The following SS18 variants were observed in gnomAD, a reference collection of about 807,000 sequenced individuals.
SS18 encodes the protein protein SSXT.
SS18 carries 28 observed loss-of-function variants against 72.5 expected under a neutral mutation model. That is an observed-to-expected ratio of 0.39 (90% confidence interval 0.29 to 0.53). The LOEUF (loss-of-function observed/expected upper bound fraction) is 0.53. Among genes scored for constraint, SS18 ranks in the 20% least tolerant of loss-of-function variants. The pLI is 0.76. For synonymous variants in SS18, 172 were observed against 164.2 expected, an observed-to-expected ratio of 1.05 and a Z score of -0.37; for missense variants, 518 against 535.3, an observed-to-expected ratio of 0.97 and a Z score of 0.32.
At chr18:26,091,009 T>A (rs2054719536), upstream of SS18, 1 of 211,316 alleles carries the variant, frequency 4.7e-6, no homozygotes, top group Admixed American at 5.9e-5. Flanking sequence ...CTTGCCTCCC[T>A]CTCCGGCCCT....
chr18:26,047,225 G>A (rs1481124672), intron 5 of SS18, among the ~76,000 whole-genome samples: 1 of 114,904 alleles, frequency 8.7e-6, no homozygotes, highest in Non-Finnish European at 1.7e-5. Context: ...GGTACTTACT[G>A]AATATTAGCT....
At chr18:26,061,337 A>C (rs1225135542) in intron 3 of SS18, among the ~76,000 whole-genome samples, 1 of 152,162 alleles carries the variant, frequency 6.6e-6, no homozygotes, top group African/African-American at 2.4e-5. Context: ...TAAATAAACA[A>C]ACACAGGACA....
chr18:26,032,309 G>A, intron 10 of SS18, 90 bp downstream of exon 10: 6 of 1,457,456 alleles, frequency 4.1e-6, no homozygotes, highest in Non-Finnish European at 5.7e-6. Flanking sequence ...GAAACATGAG[G>A]CTTCAAGTTA....
chr18:26,039,523 A>T, intron 5 of SS18, 67 bp from the exon 6 acceptor site: 1 of 1,424,988 alleles, frequency 7.0e-7, no homozygotes, highest in South Asian at 1.6e-5. Context: ...AAGAGAAATA[A>T]GATAATCTTT....
chr18:26,070,557 G>C lies in SS18; in HGVS notation c.231+7519C>G, dbSNP rs188267778. Among the ~76,000 whole-genome samples, 840 of 152,314 alleles carry C rather than the reference G, an allele frequency of 5.5e-3. 13 individuals are homozygous for C. Among genetic ancestry groups the C allele is most frequent in the African/African-American group, 0.019 (808 of 41,574 alleles). On this transcript the variant is annotated intron_variant, in intron 3 of 10. Transcript: ENST00000415083. Reference sequence around the variant, plus strand: ...AAAAAAGACACAAGGCTGAAACTAAGAAGTAAAATGCCTAAGTGTTAGTGC... The same window carrying C: ...AAAAAAGACACAAGGCTGAAACTAACAAGTAAAATGCCTAAGTGTTAGTGC...
At position 26,090,593 on chromosome 18, in the gene SS18, C is replaced by A; in HGVS notation, c.-24G>T. ...ATGTTGCCGCCGTCACCACTATCGGCAAGTCCCGAGCGCTCCGGGTGAACG... is the reference window on the plus strand; with the variant it reads ...ATGTTGCCGCCGTCACCACTATCGGAAAGTCCCGAGCGCTCCGGGTGAACG... On this transcript the variant is annotated 5_prime_UTR_variant, in exon 1 of 11. Coordinates refer to ENST00000415083, the MANE Select transcript of SS18 (RefSeq NM_001007559.3). The A allele has an allele frequency of 1.9e-6, 3 of 1,563,688 alleles. No individual in the cohort carries two copies. Among genetic ancestry groups the A allele is most frequent in the South Asian group, 1.2e-5 (1 of 84,816 alleles).
chr18:26,089,035 A>G (rs1228001137), intron 1 of SS18, among the ~76,000 whole-genome samples: 1 of 152,216 alleles, frequency 6.6e-6, no homozygotes, highest in Non-Finnish European at 1.5e-5. Flanking sequence ...TCCTCAAACT[A>G]TTGAACTTCA....
At chr18:26,081,555 A>G (rs2054523461) in intron 2 of SS18, among the ~76,000 whole-genome samples, 1 of 152,080 alleles carries the variant, frequency 6.6e-6, no homozygotes, top group Non-Finnish European at 1.5e-5. Context: ...AGTAGTAAAT[A>G]CTCATATTAT....
Position 26,039,360 on chromosome 18 carries a change from A to G in SS18, c.704T>C (p.Met235Thr). 1 of 1,613,950 alleles carries G rather than the reference A, an allele frequency of 6.2e-7. No homozygotes were observed. The highest frequency in any genetic ancestry group is 1.1e-5 in the South Asian group (1 of 91,072). Reference sequence around the variant, plus strand: ...ATGATTGCCTTGGTTAACTTGACCCATCATTCCCATAGGTGGCTGCTGTCC... The same window carrying G: ...ATGATTGCCTTGGTTAACTTGACCCGTCATTCCCATAGGTGGCTGCTGTCC... ...YQGQQPPMGM[M>T]GQVNQGNHMM... Residue 235 changes from methionine (M) to threonine (T), a missense_variant, in exon 6 of 11, where the codon ATG becomes ACG. By Grantham distance (81) the Met-to-Thr change is moderately conservative. Transcript: ENST00000415083.
intron 10 of SS18, among the ~76,000 whole-genome samples, chr18:26,020,073 T>A (rs180818303): frequency 1.3e-5 from 2 of 152,270 alleles, no homozygotes; most frequent in South Asian, 4.1e-4. Flanking sequence ...ATAAACATAA[T>A]AAAAGGTTTA....
At chr18:26,078,604 A>T (rs1300087563) in intron 2 of SS18, among the ~76,000 whole-genome samples, 1 of 152,118 alleles carries the variant, frequency 6.6e-6, no homozygotes, top group African/African-American at 2.4e-5. Flanking sequence ...TGCTTATCTC[A>T]GCTGGGCACA....
chr18:26,088,680 C>T (rs2054659608), intron 1 of SS18, among the ~76,000 whole-genome samples: 1 of 152,098 alleles, frequency 6.6e-6, no homozygotes, highest in Non-Finnish European at 1.5e-5. Context: ...CCATTTTGAG[C>T]AAGTCACTTA....
rs1280402072 is a variant in SS18, at chr18:26,078,158, T to A, written c.149A>T (p.Tyr50Phe). The A allele has an allele frequency of 1.2e-6, 2 of 1,610,300 alleles. No homozygotes were observed. The highest frequency in any genetic ancestry group is 1.7e-6 in the Non-Finnish European group (2 of 1,178,086). The change falls in exon 3 of 11, where the codon TAT (tyrosine) becomes TTT (phenylalanine). Residue 50 changes from tyrosine to phenylalanine, a missense_variant and splice_region_variant. By Grantham distance (22) the Tyr-to-Phe change is conservative (BLOSUM62 3). Transcript: ENST00000415083. ...CAAGTTTGTGTGCAACATCTGCTGA[T>A]ACCTATTAAAACAAAACAAGTATCA... is the stretch of plus-strand genomic sequence containing the variant. ...NKGKTSECSQYQQMLHTNLVY... is the reference protein window; with the variant it reads ...NKGKTSECSQFQQMLHTNLVY...
chr18:26,043,321 T>C (rs2053761967), intron 5 of SS18, among the ~76,000 whole-genome samples: 1 of 152,070 alleles, frequency 6.6e-6, no homozygotes, highest in Non-Finnish European at 1.5e-5. Flanking sequence ...GTATAATATA[T>C]CTCTATCACT....
intron 10 of SS18, among the ~76,000 whole-genome samples, chr18:26,019,499 A>C (rs2143756912): frequency 6.6e-6 from 1 of 152,268 alleles, no homozygotes; most frequent in African/African-American, 2.4e-5. Flanking sequence ...ATGATGGAAT[A>C]ATGAATTAAA....
At chr18:26,080,568 T>C (rs2054499637) in intron 2 of SS18, 1 of 166,182 alleles carries the variant, frequency 6.0e-6, no homozygotes. Context: ...GCCTGCAGTT[T>C]TAAAATCTAT....
intron 5 of SS18, among the ~76,000 whole-genome samples, chr18:26,045,186 T>C (rs991701552): frequency 6.6e-5 from 10 of 152,250 alleles, no homozygotes; most frequent in African/African-American, 2.2e-4. Flanking sequence ...ATTTTCTATA[T>C]AGCTGCCCAA....
intron 2 of SS18, among the ~76,000 whole-genome samples, chr18:26,084,376 A>G (rs1006617313): frequency 6.6e-6 from 1 of 152,222 alleles, no homozygotes; most frequent in Non-Finnish European, 1.5e-5. Flanking sequence ...ACTTAAAGTG[A>G]TAACTATTTT....
chr18:26,033,055 G>C (rs192559980), intron 9 of SS18, among the ~76,000 whole-genome samples: 54 of 152,242 alleles, frequency 3.5e-4, no homozygotes, highest in African/African-American at 1.3e-3. Context: ...TTTTAAAACA[G>C]AAACTAAAAA....
Sources: gnomAD v4.1 joint callset for allele counts (sites outside exome capture counted in the v4.1 genomes callset) on GRCh38, gnomAD v4.1.1 for gene constraint, MANE v1.5 for transcripts, NCBI Gene and HGNC (gene_info 2026-07-23, HGNC 2026-07-21) for gene names.